Variants in ANO5 observed in about 807,000 individuals in gnomAD.
ANO5 encodes the protein anoctamin-5.
ANO5 carries 109 observed loss-of-function variants against 121.0 expected under a neutral mutation model. That is an observed-to-expected ratio of 0.90 (90% CI 0.77 to 1.06). The LOEUF is 1.06. Among genes scored for constraint, ANO5 ranks in the 50% least tolerant of loss-of-function variants. The probability of loss-of-function intolerance (pLI) is 0.00; values close to 1 mark genes in which losing one functional copy is unlikely to be tolerated. For synonymous variants in ANO5, 406 were observed against 359.9 expected (o/e 1.13, Z -1.45); for missense variants, 1,064 against 1,078.5 (o/e 0.99, Z 0.19).
Position 22,262,189 on chromosome 11 carries a change from A to C in ANO5, c.1691A>C (p.Gln564Pro). The C allele has an allele frequency of 6.2e-7, 1 of 1,613,980 alleles. No individual in the cohort carries two copies. ...CTTACCTTGAAAATGTTCCTGTTTC[A>C]GTTTGTAAATTTTTACTCATCCTGC... ...SSLTLKMFLFQFVNFYSSCFY... is the reference protein window; with the variant it reads ...SSLTLKMFLFPFVNFYSSCFY... Residue 564 changes from glutamine (Q) to proline (P), a missense_variant, in exon 16 of 22, where the codon CAG becomes CCG. Gln to Pro is a moderately conservative substitution (Grantham distance 76, BLOSUM62 -1). Coordinates refer to ENST00000324559, the MANE Select transcript of ANO5 (RefSeq NM_213599.3).
At chr11:22,241,788 T>C (rs556512588) in intron 9 of ANO5, among the ~76,000 whole-genome samples, 1 of 152,246 alleles carries the variant, frequency 6.6e-6, no homozygotes, top group South Asian at 2.1e-4. Flanking sequence ...TTCTGGATAT[T>C]AGACCTTTGT....
At chr11:22,275,158 TGA>T (rs1371738566) in intron 20 of ANO5, among the ~76,000 whole-genome samples, 1 of 151,712 alleles carries the variant, frequency 6.6e-6, no homozygotes, top group African/African-American at 2.4e-5. Context: ...GAAAAGAGAG[TGA>T]GACAGTGAAA....
In ANO5 at chr11:22,259,645, A is replaced by G. The variant is rs1354557357; in HGVS notation, c.1534A>G (p.Ile512Val). The change falls in exon 15 of 22, where the codon ATA becomes GTA. Residue 512 changes from isoleucine (I) to valine (V), a missense_variant. Transcript: ENST00000324559. ...KQVKSFLTPQ[I>V]TTSLTGSCLN... is the part of the protein sequence containing the mutation. The stretch of plus-strand genomic sequence containing the variant: ...GGTCAAAAGCTTCCTTACTCCTCAG[A>G]TAACCACATCACTCACAGGATCATG... The G allele has an allele frequency of 6.8e-6, 11 of 1,614,110 alleles. No individual in the cohort carries two copies. The South Asian group carries it at 9.9e-5, about 14-fold the overall frequency.
intron 2 of ANO5, among the ~76,000 whole-genome samples, chr11:22,207,720 C>T (rs1373194459): frequency 2.0e-5 from 3 of 151,900 alleles, no homozygotes; most frequent in Admixed American, 6.6e-5. Context: ...CTGAAAGATC[C>T]TGTTATGATG....
intron 2 of ANO5, among the ~76,000 whole-genome samples, chr11:22,204,275 T>C (rs1204540433): frequency 6.6e-6 from 1 of 152,104 alleles, no homozygotes; most frequent in Non-Finnish European, 1.5e-5. Context: ...GAATAATAAA[T>C]AAATTAAATA....
chr11:22,279,407 A>G, intron 21 of ANO5, 137 bp from the exon 22 acceptor site: 1 of 702,682 alleles, frequency 1.4e-6, no homozygotes. Flanking sequence ...TCTAGGACAG[A>G]GACCATATCT....
chr11:22,224,675 T>C (rs1185594824), intron 5 of ANO5, among the ~76,000 whole-genome samples: 1 of 152,040 alleles, frequency 6.6e-6, no homozygotes, highest in Non-Finnish European at 1.5e-5. Flanking sequence ...GACAGACTTC[T>C]TGTGTAAGAC....
chr11:22,248,868 A>G (rs1853705479), intron 9 of ANO5, among the ~76,000 whole-genome samples: 1 of 152,048 alleles, frequency 6.6e-6, no homozygotes, highest in African/African-American at 2.4e-5. Context: ...TGATTCTGCC[A>G]TTTTTAAAAC....
intron 19 of ANO5, 82 bp from the exon 20 acceptor site, chr11:22,274,487 G>T: frequency 4.8e-6 from 6 of 1,243,932 alleles, no homozygotes; most frequent in Non-Finnish European, 6.7e-6. Context: ...ATAATTTATG[G>T]TACTGAGAGA....
chr11:22,193,691 G>A (rs553238732), intron 1 of ANO5, among the ~76,000 whole-genome samples, 159 bp downstream of exon 1: 34 of 152,264 alleles, frequency 2.2e-4, no homozygotes, highest in South Asian at 4.1e-4. Flanking sequence ...GGACTGCGGG[G>A]CAGAGTCCCC....
chr11:22,203,470 A>G (rs1325846819), intron 1 of ANO5, among the ~76,000 whole-genome samples: 1 of 152,090 alleles, frequency 6.6e-6, no homozygotes. Context: ...AAACATATGA[A>G]TGGACACCCT....
chr11:22,237,431 C>G (rs917923210), intron 8 of ANO5, among the ~76,000 whole-genome samples: 1 of 152,052 alleles, frequency 6.6e-6, no homozygotes, highest in African/African-American at 2.4e-5. Context: ...TGCTGTGTCC[C>G]CCAGGCTGGA....
At chr11:22,251,757 TG>T in intron 12 of ANO5, among the ~76,000 whole-genome samples, 1 of 151,984 alleles carries the variant, frequency 6.6e-6, no homozygotes, top group African/African-American at 2.4e-5. Context: ...CCAGGCACGG[TG>T]GCTCATGCCT....
rs144743605 is a variant in ANO5 at position 22,250,196 on chromosome 11, A to T, written c.879-41A>T. On this transcript the variant is annotated intron_variant, in intron 9 of 21. Transcript: ENST00000324559. ...CAAAATCAAGGCTCCAGACTATAAC[A>T]TTCTTCCATATTCTGATTCTGTTTT... The T allele has an allele frequency of 1.5e-3, 2,316 of 1,529,428 alleles. 73 individuals carry two copies. The East Asian group carries it at 0.04, about 26-fold the overall frequency. The allele number at this position is 1,529,428 out of a possible 1,614,324, so 94.7% of individuals were successfully genotyped here.
At position 22,239,652 on chromosome 11, in the gene ANO5, T is replaced by G; in HGVS notation, c.846T>G (p.Tyr282Ter). The G allele has an allele frequency of 6.2e-7, 1 of 1,611,920 alleles. No homozygotes were observed. Among genetic ancestry groups the G allele is most frequent in the Admixed American group, 1.7e-5 (1 of 59,954 alleles). ...ACCAGAATTGGGCTCGATTTTCCTATTTCTACAAGGAGCAGCCTTTAGACT... is the reference window on the plus strand; with the variant it reads ...ACCAGAATTGGGCTCGATTTTCCTAGTTCTACAAGGAGCAGCCTTTAGACT... ...TLHQNWARFS[Y>*]FYKEQPLDLI... Residue 282 changes from tyrosine to a stop codon, truncating the protein, a stop_gained, in exon 9 of 22, where the codon TAT becomes TAG. Coordinates refer to ENST00000324559, the MANE Select transcript of ANO5 (RefSeq NM_213599.3). LOFTEE classifies it high-confidence loss of function.
intron 18 of ANO5, among the ~76,000 whole-genome samples, chr11:22,272,302 GCACACACACACACACACACACACACA>G (rs60487083): frequency 1.5e-5 from 2 of 134,570 alleles, no homozygotes; most frequent in East Asian, 2.3e-4. Context: ...TCCTTTTCCG[GCACACACACACACACACACACACACA>G]CACACACACA....
intron 18 of ANO5, among the ~76,000 whole-genome samples, chr11:22,272,337 CA>C (rs1854651082): frequency 1.3e-5 from 2 of 150,636 alleles, no homozygotes; most frequent in South Asian, 4.2e-4. Flanking sequence ...CACACACACA[CA>C]CACACACAGC....
At chr11:22,251,606 C>A (rs987014949) in intron 12 of ANO5, among the ~76,000 whole-genome samples, 2 of 152,168 alleles carry the variant, frequency 1.3e-5, no homozygotes, top group Non-Finnish European at 2.9e-5. Context: ...GTAAGAATAA[C>A]TTCGTTGGAA....
intron 1 of ANO5, among the ~76,000 whole-genome samples, chr11:22,195,373 G>A (rs964032980): frequency 1.3e-5 from 2 of 151,936 alleles, no homozygotes; most frequent in Non-Finnish European, 2.9e-5. Context: ...CCCATTCTGA[G>A]TGTTATCATT....
Sources: allele counts gnomAD v4.1 joint callset (sites outside exome capture counted in the v4.1 genomes callset), GRCh38; gene constraint gnomAD v4.1.1; transcripts MANE v1.5; gene names NCBI Gene and HGNC (gene_info 2026-07-23, HGNC 2026-07-21).